The following PATJ variants were observed in gnomAD, a reference collection of about 807,000 sequenced individuals.
The protein encoded by PATJ is PATJ crumbs cell polarity complex component.
In PATJ, 190 loss-of-function variants were observed where a neutral mutation model predicts 224.9. The ratio of observed to expected loss-of-function variants is 0.84; its 90% CI spans 0.75 to 0.95. The LOEUF is 0.95. Ranked by LOEUF, PATJ falls within the 40% of genes least tolerant of loss-of-function variation. The pLI, the probability that PATJ is intolerant of heterozygous loss-of-function variation, is 0.00. For synonymous variants in PATJ, 769 were observed against 820.3 expected, an observed-to-expected ratio of 0.94 and a Z score of 1.07; for missense variants, 2,121 against 2,270.3, an observed-to-expected ratio of 0.93 and a Z score of 1.34.
intron 27 of PATJ, among the ~76,000 whole-genome samples, chr1:61,988,063 G>A (rs372002838): frequency 3.3e-5 from 5 of 152,226 alleles, no homozygotes; most frequent in South Asian, 4.1e-4. Context: ...GCTGGGTATG[G>A]TGGCGCACTC....
intron 11 of PATJ, 32 bp from the exon 12 acceptor site, chr1:61,801,589 CAA>C (rs1652504175): frequency 1.5e-6 from 2 of 1,367,606 alleles, no homozygotes; most frequent in South Asian, 3.5e-5. Context: ...TTAGCATTAA[CAA>C]AATTTTAAAA....
chr1:61,963,949 T>A lies in PATJ; in HGVS notation c.3671-26219T>A, dbSNP rs188033205. On this transcript the variant is annotated intron_variant, in intron 27 of 43. Transcript: ENST00000642238. Reference sequence around the variant, plus strand: ...TATAGTATTTTGATTCTCTTGGAACTATTTTAAAAGCTTTAGTTGAATGTT... The same window carrying A: ...TATAGTATTTTGATTCTCTTGGAACAATTTTAAAAGCTTTAGTTGAATGTT... 2.8e-3 allele frequency among the ~76,000 whole-genome samples: 429 copies of A among 152,360 alleles called. 5 individuals carry two copies. The highest frequency in any genetic ancestry group is 0.019 in the South Asian group (91 of 4,832).
intron 22 of PATJ, among the ~76,000 whole-genome samples, chr1:61,890,221 G>A (rs1240425613): frequency 6.6e-6 from 1 of 152,192 alleles, no homozygotes; most frequent in East Asian, 1.9e-4. Context: ...GCTCACGCCT[G>A]TAATCCCAGC....
At chr1:62,011,687 T>C (rs946271623) in intron 28 of PATJ, among the ~76,000 whole-genome samples, 1 of 149,684 alleles carries the variant, frequency 6.7e-6, no homozygotes, top group African/African-American at 2.5e-5. Flanking sequence ...GTAGACTTGC[T>C]CAATGCAGGG....
chr1:62,085,366 A>G (rs964228621), intron 33 of PATJ, among the ~76,000 whole-genome samples: 3 of 151,876 alleles, frequency 2.0e-5, no homozygotes, highest in Non-Finnish European at 4.4e-5. Flanking sequence ...AAAAAAAACA[A>G]ACAAAAAACT....
At chr1:61,822,341 G>A (rs1159670406) in intron 14 of PATJ, among the ~76,000 whole-genome samples, 2 of 149,378 alleles carry the variant, frequency 1.3e-5, no homozygotes, top group Admixed American at 6.8e-5. Flanking sequence ...AGAATTGCTT[G>A]AACCCGGGAG....
intron 20 of PATJ, among the ~76,000 whole-genome samples, chr1:61,866,070 T>A (rs1665376815): frequency 6.6e-6 from 1 of 152,140 alleles, no homozygotes; most frequent in African/African-American, 2.4e-5. Flanking sequence ...TGGAAAGAGG[T>A]CACATGGAAT....
chr1:61,885,442 G>A (rs1668680459), intron 22 of PATJ, among the ~76,000 whole-genome samples: 1 of 152,096 alleles, frequency 6.6e-6, no homozygotes, highest in East Asian at 1.9e-4. Flanking sequence ...ATCATCACTG[G>A]CCATCAGAGA....
At chr1:61,753,404 A>G (rs957030696) in intron 1 of PATJ, among the ~76,000 whole-genome samples, 1 of 152,118 alleles carries the variant, frequency 6.6e-6, no homozygotes, top group African/African-American at 2.4e-5. Flanking sequence ...CAGGTTAGAT[A>G]TATCATATGT....
At chr1:62,087,430 T>C (rs1349868294) in intron 33 of PATJ, among the ~76,000 whole-genome samples, 1 of 151,804 alleles carries the variant, frequency 6.6e-6, no homozygotes, top group Non-Finnish European at 1.5e-5. Context: ...ATTCGATTGG[T>C]AAAAAGACAT....
chr1:62,035,041 T>C (rs947400936), intron 29 of PATJ, among the ~76,000 whole-genome samples: 1 of 152,190 alleles, frequency 6.6e-6, no homozygotes, highest in African/African-American at 2.4e-5. Context: ...GGCCCTAAGC[T>C]GAGCTTTATT....
intron 28 of PATJ, among the ~76,000 whole-genome samples, chr1:62,012,654 T>A (rs1646520159): frequency 6.6e-6 from 1 of 152,138 alleles, no homozygotes; most frequent in South Asian, 2.1e-4. Context: ...CCTTTAGTGA[T>A]GAAAAAATAT....
chr1:62,156,619 T>TA (rs1248228509), intron 43 of PATJ, among the ~76,000 whole-genome samples: 3 of 151,878 alleles, frequency 2.0e-5, no homozygotes, highest in African/African-American at 7.2e-5. Flanking sequence ...TGGTGAGTTT[T>TA]AAAAAAATCT....
chr1:61,832,110 T>C (rs2148785729), intron 16 of PATJ, among the ~76,000 whole-genome samples: 1 of 152,066 alleles, frequency 6.6e-6, no homozygotes, highest in Middle Eastern at 3.4e-3. Flanking sequence ...CACTCATAAG[T>C]GGGAGCTAAA....
At chr1:62,071,428 T>C (rs879915826) in intron 31 of PATJ, among the ~76,000 whole-genome samples, 1 of 152,192 alleles carries the variant, frequency 6.6e-6, no homozygotes, top group Non-Finnish European at 1.5e-5. Flanking sequence ...TTTTTTTCCA[T>C]TTTATGGATG....
intron 31 of PATJ, chr1:62,073,051 A>G: frequency 1.0e-6 from 1 of 985,442 alleles, no homozygotes; most frequent in Non-Finnish European, 1.2e-6. Flanking sequence ...TGGTCAGGGC[A>G]TGGTGGCAGA....
chr1:62,029,499 CAT>C (rs922676477), intron 29 of PATJ, among the ~76,000 whole-genome samples: 1 of 152,158 alleles, frequency 6.6e-6, no homozygotes, highest in Non-Finnish European at 1.5e-5. Context: ...TATCAAATAA[CAT>C]GTTAATGAAA....
intron 4 of PATJ, among the ~76,000 whole-genome samples, chr1:61,768,588 CT>C (rs1646426442): frequency 6.6e-6 from 1 of 152,158 alleles, no homozygotes; most frequent in African/African-American, 2.4e-5. Flanking sequence ...TTTGATATAT[CT>C]ATTTTCCTCA....
At chr1:62,112,613 A>G (rs987096091) in intron 34 of PATJ, among the ~76,000 whole-genome samples, 2 of 152,242 alleles carry the variant, frequency 1.3e-5, no homozygotes, top group African/African-American at 4.8e-5. Context: ...CTGGACCAGA[A>G]TAAGGAATGG....
Sources: gnomAD v4.1 joint callset for allele counts (sites outside exome capture counted in the v4.1 genomes callset) on GRCh38, gnomAD v4.1.1 for gene constraint, MANE v1.5 for transcripts, NCBI Gene and HGNC (gene_info 2026-07-23, HGNC 2026-07-21) for gene names.